SLC2A9: variants seen among roughly 807,000 people sequenced by gnomAD.
SLC2A9 encodes the protein solute carrier family 2, facilitated glucose transporter member 9.
Under a neutral mutation model 50.6 loss-of-function variants are expected in SLC2A9, and 39 were observed. That is an observed-to-expected ratio of 0.77 (90% CI 0.60 to 1.01). The LOEUF is 1.01. SLC2A9 is among the 50% of genes least tolerant of loss of function. SLC2A9 has a pLI of 0.00. For missense variants in SLC2A9, 686 were observed against 677.6 expected (o/e 1.01, Z -0.14); for synonymous variants, 324 against 276.9 (o/e 1.17, Z -1.69).
chr4:9,801,716 TC>T (rs1158210225), intron 3 of SLC2A9, among the ~76,000 whole-genome samples: 1 of 152,036 alleles, frequency 6.6e-6, no homozygotes, highest in East Asian at 1.9e-4. Flanking sequence ...CCAGGAACTG[TC>T]CCCCCGAGCA....
At chr4:10,023,864 C>G (rs908436281), upstream of SLC2A9, among the ~76,000 whole-genome samples, 3 of 152,190 alleles carry the variant, frequency 2.0e-5, no homozygotes, top group South Asian at 2.1e-4. Flanking sequence ...GCTGGTTCCC[C>G]ATTCCACAGG....
chr4:9,887,628 C>A lies in SLC2A9; in HGVS notation c.1230G>T (p.Trp410Cys). The A allele has an allele frequency of 6.4e-7, 1 of 1,552,118 alleles. No homozygotes were observed. The highest frequency in any genetic ancestry group is 1.2e-5 in the South Asian group (1 of 81,482). Residue 410 changes from tryptophan to cysteine, a missense_variant, in exon 10 of 12, where the codon TGG becomes TGT. Physicochemically the swap from Trp to Cys is radical, Grantham distance 215. Coordinates refer to ENST00000264784, the MANE Select transcript of SLC2A9 (RefSeq NM_020041.3). ...ITLTLQDHAP[W>C]VPYLSIVGIL... Reference sequence around the variant, plus strand: ...TGCCCACGATACTCAGGTAGGGGACCCAGGGGGCGTGGTCCTGGGAGAGAA... The same window carrying A: ...TGCCCACGATACTCAGGTAGGGGACACAGGGGGCGTGGTCCTGGGAGAGAA...
At chr4:9,832,041 G>T (rs990656092) in intron 11 of SLC2A9, among the ~76,000 whole-genome samples, 2 of 152,216 alleles carry the variant, frequency 1.3e-5, no homozygotes, top group African/African-American at 4.8e-5. Context: ...TTCTAGAATT[G>T]TGAGACAATA....
At chr4:9,918,459 C>T (rs140600990) in intron 7 of SLC2A9, among the ~76,000 whole-genome samples, 121 of 152,248 alleles carry the variant, frequency 7.9e-4, no homozygotes, top group Middle Eastern at 3.4e-3. Flanking sequence ...CTAGGGATGG[C>T]CTGGGGACAC....
At chr4:9,931,990 A>ACATATT in intron 6 of SLC2A9, among the ~76,000 whole-genome samples, 1 of 87,978 alleles carries the variant, frequency 1.1e-5, no homozygotes, top group African/African-American at 5.9e-5. Flanking sequence ...ATATATATAT[A>ACATATT]TATATATATG....
At chr4:9,962,942 T>C (rs1167380899) in intron 5 of SLC2A9, among the ~76,000 whole-genome samples, 4 of 152,178 alleles carry the variant, frequency 2.6e-5, no homozygotes, top group Non-Finnish European at 5.9e-5. Context: ...TGGAATGGTG[T>C]TTTCCTTCCC....
downstream of SLC2A9, among the ~76,000 whole-genome samples, chr4:9,775,275 C>G (rs1017353366): frequency 6.6e-6 from 1 of 152,164 alleles, no homozygotes; most frequent in African/African-American, 2.4e-5. Flanking sequence ...CGGGGAGACT[C>G]TCATGAGCAA....
chr4:9,959,356 C>A (rs1751856137), intron 5 of SLC2A9, among the ~76,000 whole-genome samples: 2 of 147,960 alleles, frequency 1.4e-5, no homozygotes, highest in Admixed American at 6.8e-5. Flanking sequence ...TGTGCCACTG[C>A]ACTGCACTCT....
intron 3 of SLC2A9, among the ~76,000 whole-genome samples, chr4:9,793,807 G>A (rs1720260018): frequency 6.6e-6 from 1 of 152,218 alleles, no homozygotes. Context: ...AAAGGTGCCA[G>A]GCCTTTGTTG....
In SLC2A9 at chr4:9,869,860, A is replaced by C. The variant is rs144448091; in HGVS notation, c.1291+17707T>G. ...GCAGTGGGCTGAGTGGTGGCCCCAC[A>C]AATATACATCCATGTCCTCATCCTG... On this transcript the variant is annotated intron_variant, in intron 10 of 11. Coordinates refer to ENST00000264784, the MANE Select transcript of SLC2A9 (RefSeq NM_020041.3). Among the ~76,000 whole-genome samples, 1,481 of 152,370 alleles carry C rather than the reference A, an allele frequency of 9.7e-3. 22 individuals are homozygous for C. The highest frequency in any genetic ancestry group is 0.025 in the South Asian group (120 of 4,828).
intron 3 of SLC2A9, among the ~76,000 whole-genome samples, chr4:9,989,285 T>C (rs1578210504): frequency 6.6e-6 from 1 of 152,190 alleles, no homozygotes; most frequent in Non-Finnish European, 1.5e-5. Flanking sequence ...TATGGCTGTG[T>C]TGTCCTTTCT....
intron 3 of SLC2A9, among the ~76,000 whole-genome samples, chr4:9,790,272 G>T (rs1719735957): frequency 6.6e-6 from 1 of 152,174 alleles, no homozygotes; most frequent in South Asian, 2.1e-4. Flanking sequence ...ATCAGACTTG[G>T]TTGTAAATTC....
At chr4:9,938,917 G>A (rs911033257) in intron 6 of SLC2A9, among the ~76,000 whole-genome samples, 2 of 152,096 alleles carry the variant, frequency 1.3e-5, no homozygotes, top group Admixed American at 6.5e-5. Flanking sequence ...CTGGGGGTGG[G>A]GATGGAGTGG....
chr4:9,881,060 C>T (rs1179582440), intron 10 of SLC2A9, among the ~76,000 whole-genome samples: 1 of 152,236 alleles, frequency 6.6e-6, no homozygotes, highest in Admixed American at 6.5e-5. Context: ...TCACCCTGCA[C>T]TCCGGGGAGT....
chr4:10,001,283 C>T (rs1042847542), intron 2 of SLC2A9, among the ~76,000 whole-genome samples: 2 of 152,098 alleles, frequency 1.3e-5, no homozygotes, highest in African/African-American at 4.8e-5. Flanking sequence ...CTAGAGTGGG[C>T]CCTAATCCAA....
At chr4:9,918,789 A>G (rs1429543422) in intron 7 of SLC2A9, among the ~76,000 whole-genome samples, 1 of 152,148 alleles carries the variant, frequency 6.6e-6, no homozygotes, top group East Asian at 1.9e-4. Flanking sequence ...CTTGGTCCAG[A>G]GCTCTGCTCC....
At chr4:9,902,564 G>T (rs1474290542) in intron 8 of SLC2A9, among the ~76,000 whole-genome samples, 1 of 152,204 alleles carries the variant, frequency 6.6e-6, no homozygotes, top group Admixed American at 6.5e-5. Context: ...CTGGAGGCTG[G>T]AAGTCCAAGA....
intron 3 of SLC2A9, among the ~76,000 whole-genome samples, chr4:9,805,169 A>C (rs981664026): frequency 2.6e-5 from 4 of 152,192 alleles, no homozygotes; most frequent in Admixed American, 1.3e-4. Context: ...GGTTTACAGC[A>C]GCAAAGCTTT....
intron 6 of SLC2A9, among the ~76,000 whole-genome samples, chr4:9,928,872 A>G (rs1745385450): frequency 6.6e-6 from 1 of 152,262 alleles, no homozygotes. Context: ...CTAAATGATT[A>G]TTGTTAAAAT....
Sources: gnomAD v4.1 joint callset for allele counts (sites outside exome capture counted in the v4.1 genomes callset) on GRCh38, gnomAD v4.1.1 for gene constraint, MANE v1.5 for transcripts, NCBI Gene and HGNC (gene_info 2026-07-23, HGNC 2026-07-21) for gene names.